The following PXDN variants were observed in gnomAD, a reference collection of about 807,000 sequenced individuals.
The protein encoded by PXDN is peroxidasin.
In PXDN, 77 loss-of-function variants were observed where a neutral mutation model predicts 140.3. The observed-to-expected ratio is 0.55, with a 90% CI of 0.46 to 0.66. The LOEUF (loss-of-function observed/expected upper bound fraction) is 0.66. PXDN is among the 30% of genes least tolerant of loss of function. The probability of loss-of-function intolerance (pLI) is 0.00; values close to 1 mark genes in which losing one functional copy is unlikely to be tolerated. For synonymous variants in PXDN, 911 were observed against 857.4 expected, an observed-to-expected ratio of 1.06 and a Z score of -1.09; for missense variants, 1,838 against 2,039.5, an observed-to-expected ratio of 0.90 and a Z score of 1.90.
chr2:1,727,222 G>C (rs370568469), intron 1 of PXDN, among the ~76,000 whole-genome samples: 1 of 152,070 alleles, frequency 6.6e-6, no homozygotes. Flanking sequence ...AACCGCCACC[G>C]CCCCGTCACA....
chr2:1,648,453 C>G lies in PXDN; in HGVS notation c.3327G>C (p.Val1109=). The G allele has an allele frequency of 6.2e-7, 1 of 1,610,686 alleles. No homozygotes were observed. Among genetic ancestry groups the G allele is most frequent in the Non-Finnish European group, 8.5e-7 (1 of 1,179,838 alleles). ...HKAFFSPFRI[V]NEGGIDPLLR... ...GAAGCGGATCGATGCCGCCCTCATT[C>G]ACAATCCGGAAGGGAGAGAAGAAAG... Residue 1109 remains valine (V), a synonymous_variant, in exon 17 of 23, where the codon GTG becomes GTC. Transcript: ENST00000252804. This position sits in a 1 kb window ranked among gnomAD's most constrained non-coding sequence, Gnocchi z 8.9.
intron 7 of PXDN, 99 bp downstream of exon 7, chr2:1,680,094 T>C (rs1212026523): frequency 7.9e-7 from 1 of 1,265,500 alleles, no homozygotes. Context: ...TGTGTGTGTG[T>C]GGTGTGTGGA....
chr2:1,669,428 G>A (rs1022545756), intron 9 of PXDN, among the ~76,000 whole-genome samples: 17 of 152,150 alleles, frequency 1.1e-4, no homozygotes, highest in African/African-American at 3.4e-4. Context: ...TGTAACATAC[G>A]TGCACATTCA....
At chr2:1,643,328 G>A (rs1448868064) in intron 19 of PXDN, 40 bp downstream of exon 19, 2 of 1,591,924 alleles carry the variant, frequency 1.3e-6, no homozygotes, top group East Asian at 4.5e-5. Context: ...ACCAAAACCA[G>A]GGATGAAAAA....
Position 1,687,841 on chromosome 2 carries a change from G to T in PXDN, c.345-138C>A, listed in dbSNP as rs1040073350. The T allele has an allele frequency of 4.8e-6, 3 of 626,586 alleles. No homozygotes were observed. Among genetic ancestry groups the T allele is most frequent in the Non-Finnish European group, 8.1e-6 (3 of 370,242 alleles). 38.8% of individuals were successfully genotyped at this position (626,586 alleles called of 1,614,324 possible). The stretch of plus-strand genomic sequence containing the variant: ...TAGAATGCAAACAAACCATCTGCAC[G>T]GTGAGTACAGTGCCTCTCCCAAGGG... On this transcript the variant is annotated intron_variant, in intron 3 of 22. Transcript: ENST00000252804. This position sits in a 1 kb window ranked among gnomAD's most constrained non-coding sequence, Gnocchi z 4.0.
intron 1 of PXDN, among the ~76,000 whole-genome samples, chr2:1,728,746 G>A (rs1251268975): frequency 1.3e-5 from 2 of 152,194 alleles, no homozygotes; most frequent in African/African-American, 4.8e-5. Context: ...AGGAATGGGG[G>A]ACAGTGTTCC....
At chr2:1,731,065 A>G (rs2125490033) in intron 1 of PXDN, among the ~76,000 whole-genome samples, 1 of 152,288 alleles carries the variant, frequency 6.6e-6, no homozygotes, top group Non-Finnish European at 1.5e-5. Context: ...AGCAAAGGGA[A>G]TATCAACATC....
chr2:1,680,385 G>GGT, intron 6 of PXDN, 23 bp from the exon 7 acceptor site: 1 of 1,613,242 alleles, frequency 6.2e-7, no homozygotes, highest in Non-Finnish European at 8.5e-7. Flanking sequence ...AGATGCAGCC[G>GGT]GTGAGACATG....
intron 6 of PXDN, among the ~76,000 whole-genome samples, 155 bp downstream of exon 6, chr2:1,683,501 C>T (rs1683968573): frequency 6.6e-6 from 1 of 152,242 alleles, no homozygotes; most frequent in Admixed American, 6.5e-5. Flanking sequence ...TCATTTTGCT[C>T]TCTAATGGAT....
chr2:1,641,346 C>T (rs1273286444), intron 19 of PXDN, among the ~76,000 whole-genome samples: 2 of 152,068 alleles, frequency 1.3e-5, no homozygotes, highest in African/African-American at 2.4e-5. Context: ...AGACGGGTTT[C>T]ACCACGTTGG....
intron 17 of PXDN, among the ~76,000 whole-genome samples, chr2:1,647,861 G>C (rs1682887277): frequency 6.6e-6 from 1 of 152,156 alleles, no homozygotes; most frequent in African/African-American, 2.4e-5. Context: ...CAACCCCTCT[G>C]CCAGAAAAGT....
At position 1,648,243 on chromosome 2, in the gene PXDN, T is replaced by A; in HGVS notation, c.3537A>T (p.Leu1179=). 6.2e-7 allele frequency: 1 copy of A among 1,613,920 alleles called. No homozygotes were observed. The highest frequency in any genetic ancestry group is 8.5e-7 in the Non-Finnish European group (1 of 1,179,874). ...GGTCCTCGAACGTGTGTGCCGCCGATAGATTGCAGTAGACCCTGTAGTCGT... is the reference window on the plus strand; with the variant it reads ...GGTCCTCGAACGTGTGTGCCGCCGAAAGATTGCAGTAGACCCTGTAGTCGT... The part of the protein sequence containing the change: ...PYHDYRVYCN[L]SAAHTFEDLK... The change falls in exon 17 of 23, where the codon CTA becomes CTT. Residue 1179 remains leucine (L), a synonymous_variant. Transcript: ENST00000252804. This position sits in a 1 kb window ranked among gnomAD's most constrained non-coding sequence, Gnocchi z 8.9.
chr2:1,702,991 G>GT (rs1684473601), intron 1 of PXDN, among the ~76,000 whole-genome samples: 2 of 85,596 alleles, frequency 2.3e-5, no homozygotes, highest in African/African-American at 9.4e-5. Flanking sequence ...CAGGTGAAGG[G>GT]GGGGACAACT....
chr2:1,717,661 T>G (rs1684925476), intron 1 of PXDN, among the ~76,000 whole-genome samples: 1 of 152,134 alleles, frequency 6.6e-6, no homozygotes, highest in South Asian at 2.1e-4. Context: ...TGGAACCACA[T>G]GGACTACTCT....
chr2:1,684,702 C>A (rs1243703636), intron 4 of PXDN, among the ~76,000 whole-genome samples: 1 of 152,204 alleles, frequency 6.6e-6, no homozygotes, highest in Non-Finnish European at 1.5e-5. Flanking sequence ...AAATAAGAGA[C>A]CATCTTTCCT....
chr2:1,647,485 C>T (rs1682876185), intron 17 of PXDN, among the ~76,000 whole-genome samples: 1 of 152,178 alleles, frequency 6.6e-6, no homozygotes, highest in South Asian at 2.1e-4. Flanking sequence ...CCACAGGGTC[C>T]GAGGTCTCCT....
At chr2:1,700,693 G>C (rs1684404940) in intron 1 of PXDN, among the ~76,000 whole-genome samples, 1 of 151,934 alleles carries the variant, frequency 6.6e-6, no homozygotes, top group African/African-American at 2.4e-5. Context: ...GGCCAACATG[G>C]TGAAACCCTG....
intron 1 of PXDN, among the ~76,000 whole-genome samples, chr2:1,706,908 G>A (rs372600233): frequency 3.4e-5 from 4 of 117,628 alleles, no homozygotes; most frequent in African/African-American, 6.5e-5. Context: ...CCGAGAGCAC[G>A]CTTCACTGTT....
At chr2:1,708,133 G>A (rs1325891775) in intron 1 of PXDN, among the ~76,000 whole-genome samples, 2 of 152,194 alleles carry the variant, frequency 1.3e-5, no homozygotes, top group Non-Finnish European at 2.9e-5. Flanking sequence ...TGTTTGTTTT[G>A]GAGCTGGCCT....
Sources: gnomAD v4.1 joint callset for allele counts (sites outside exome capture counted in the v4.1 genomes callset) on GRCh38, gnomAD v4.1.1 for gene constraint, Gnocchi (gnomAD v3.1) non-coding constraint, MANE v1.5 for transcripts, NCBI Gene and HGNC (gene_info 2026-07-23, HGNC 2026-07-21) for gene names.